The following AFF3 variants were observed in gnomAD, a reference collection of about 807,000 sequenced individuals.
AFF3 encodes AF4/FMR2 family member 3.
AFF3 carries 32 observed loss-of-function variants against 129.7 expected under a neutral mutation model. The ratio of observed to expected loss-of-function variants is 0.25; its 90% CI spans 0.19 to 0.33. The LOEUF (loss-of-function observed/expected upper bound fraction) is 0.33, where lower values mean the gene tolerates loss of function less well. AFF3 is among the 10% of genes least tolerant of loss of function. AFF3 has a pLI of 1.00. For missense variants in AFF3, 1,373 were observed against 1,592.0 expected (o/e 0.86, Z 2.34); for synonymous variants, 644 against 635.4 (o/e 1.01, Z -0.20).
chr2:99,920,344 C>T (rs1180267287), intron 7 of AFF3, among the ~76,000 whole-genome samples: 1 of 151,926 alleles, frequency 6.6e-6, no homozygotes, highest in Non-Finnish European at 1.5e-5. Flanking sequence ...AAAAAATATG[C>T]CGCAATCAAC....
intron 8 of AFF3, among the ~76,000 whole-genome samples, chr2:99,781,648 C>A (rs1308776604): frequency 1.3e-5 from 2 of 152,160 alleles, no homozygotes; most frequent in African/African-American, 2.4e-5. Flanking sequence ...AAATGTTGAC[C>A]ATTTGGTCCT....
At chr2:99,686,479 C>T (rs1319760677) in intron 11 of AFF3, among the ~76,000 whole-genome samples, 1 of 152,192 alleles carries the variant, frequency 6.6e-6, no homozygotes, top group African/African-American at 2.4e-5. Flanking sequence ...TTCCTGCCTA[C>T]TTGCTAAAGT....
chr2:99,813,575 G>A (rs1028570399), intron 8 of AFF3, among the ~76,000 whole-genome samples: 10 of 152,276 alleles, frequency 6.6e-5, no homozygotes, highest in South Asian at 6.2e-4. Context: ...TGTGCACCTT[G>A]TCTGAGACCA....
chr2:99,950,752 A>G (rs1477102280), intron 7 of AFF3, among the ~76,000 whole-genome samples: 1 of 152,250 alleles, frequency 6.6e-6, no homozygotes, highest in Non-Finnish European at 1.5e-5. Flanking sequence ...GACTCATATC[A>G]ATATGTGAAT....
At chr2:99,553,918 C>CAATAAA (rs1674655461) in intron 24 of AFF3, among the ~76,000 whole-genome samples, 1 of 56,974 alleles carries the variant, frequency 1.8e-5, no homozygotes, top group Non-Finnish European at 3.1e-5. Context: ...TGTCTCAAAC[C>CAATAAA]AAAAAAAAAA....
intron 11 of AFF3, among the ~76,000 whole-genome samples, chr2:99,712,718 A>G (rs1249270325): frequency 6.9e-6 from 1 of 145,470 alleles, no homozygotes; most frequent in African/African-American, 2.4e-5. Flanking sequence ...GGTTATAGTC[A>G]TAAAGTTTTG....
chr2:99,606,915 C>CGA (rs1680414092), intron 13 of AFF3, among the ~76,000 whole-genome samples: 2 of 62,186 alleles, frequency 3.2e-5, no homozygotes, highest in Non-Finnish European at 2.8e-5. Flanking sequence ...CTCCGTCTCA[C>CGA]AAAAAAAAAA....
chr2:99,562,038 G>A (rs1333230273), intron 20 of AFF3, among the ~76,000 whole-genome samples: 1 of 152,182 alleles, frequency 6.6e-6, no homozygotes, highest in Non-Finnish European at 1.5e-5. Context: ...GCTGTCATTC[G>A]AATTGATTCT....
At chr2:100,118,473 C>T (rs1691813837) in intron 2 of AFF3, among the ~76,000 whole-genome samples, 1 of 152,080 alleles carries the variant, frequency 6.6e-6, no homozygotes, top group African/African-American at 2.4e-5. Flanking sequence ...GTTGATAAAT[C>T]AATGAAATAA....
chr2:100,118,868 G>C (rs1448427007), intron 2 of AFF3, among the ~76,000 whole-genome samples: 1 of 150,916 alleles, frequency 6.6e-6, no homozygotes, highest in Non-Finnish European at 1.5e-5. Flanking sequence ...CTAGGGTGCA[G>C]TGATCCCAGC....
At chr2:99,817,739 A>G (rs1687353175) in intron 8 of AFF3, among the ~76,000 whole-genome samples, 1 of 152,180 alleles carries the variant, frequency 6.6e-6, no homozygotes, top group Admixed American at 6.5e-5. Flanking sequence ...TTAATCTCTG[A>G]GCTAAACAAC....
At chr2:100,066,542 T>C (rs1172349253) in intron 4 of AFF3, among the ~76,000 whole-genome samples, 2 of 152,170 alleles carry the variant, frequency 1.3e-5, no homozygotes, top group East Asian at 1.9e-4. Context: ...AATATTCTAA[T>C]TGGCACATTA....
chr2:99,782,402 T>G (rs897352273), intron 8 of AFF3, among the ~76,000 whole-genome samples: 126 of 152,180 alleles, frequency 8.3e-4, no homozygotes, highest in African/African-American at 3.0e-3. Flanking sequence ...GAGTTAAAAT[T>G]TTAAAAGATG....
intron 4 of AFF3, among the ~76,000 whole-genome samples, chr2:100,065,301 G>A (rs1687623816): frequency 6.6e-6 from 1 of 152,184 alleles, no homozygotes; most frequent in Non-Finnish European, 1.5e-5. Context: ...ATAGCCAAAT[G>A]TCTGAAGGCT....
At chr2:99,591,157 A>G (rs1363160039) in intron 15 of AFF3, among the ~76,000 whole-genome samples, 2 of 152,160 alleles carry the variant, frequency 1.3e-5, no homozygotes, top group Admixed American at 1.3e-4. Flanking sequence ...TATGTGAAGA[A>G]AAACATCCTT....
At chr2:99,735,138 T>C (rs1418525911) in intron 10 of AFF3, among the ~76,000 whole-genome samples, 3 of 152,196 alleles carry the variant, frequency 2.0e-5, no homozygotes, top group East Asian at 3.8e-4. Flanking sequence ...ATTTTAATCA[T>C]AGTCATTTCG....
chr2:99,854,219 G>A (rs557929372), intron 7 of AFF3, among the ~76,000 whole-genome samples: 13 of 141,298 alleles, frequency 9.2e-5, no homozygotes, highest in African/African-American at 3.4e-4. Flanking sequence ...AGATATAAAT[G>A]AAGTTATAAA....
chr2:99,862,088 C>G (rs1691041772), intron 7 of AFF3, among the ~76,000 whole-genome samples: 1 of 152,174 alleles, frequency 6.6e-6, no homozygotes. Flanking sequence ...TTCCCCCACA[C>G]TTCCCCCACC....
chr2:99,741,950 G>C (rs1367426644), intron 10 of AFF3, among the ~76,000 whole-genome samples: 1 of 152,122 alleles, frequency 6.6e-6, no homozygotes, highest in Non-Finnish European at 1.5e-5. Flanking sequence ...ATGCTGGTGG[G>C]GTCAGTTCTC....
Sources: gnomAD v4.1 joint callset for allele counts (sites outside exome capture counted in the v4.1 genomes callset) on GRCh38, gnomAD v4.1.1 for gene constraint, MANE v1.5 for transcripts, NCBI Gene and HGNC (gene_info 2026-07-23, HGNC 2026-07-21) for gene names.